Variants in COMMD8 observed in about 807,000 individuals in gnomAD.
The protein encoded by COMMD8 is COMM domain-containing protein 8.
A neutral mutation model predicts 27.2 loss-of-function variants in COMMD8; 28 were observed. The ratio of observed to expected loss-of-function variants is 1.03; its 90% CI spans 0.76 to 1.41. COMMD8 has a LOEUF of 1.41. COMMD8 is among the 40% of genes most tolerant of loss of function. COMMD8 has a pLI of 0.00. For missense variants in COMMD8, 217 were observed against 211.2 expected, an observed-to-expected ratio of 1.03 and a Z score of -0.17; for synonymous variants, 79 against 75.5, an observed-to-expected ratio of 1.05 and a Z score of -0.24.
rs987428454 is a variant in COMMD8 at position 47,463,701 on chromosome 4, C to G, written c.-50G>C. 7.3e-6 allele frequency: 11 copies of G among 1,500,420 alleles called. No individual in the cohort carries two copies. Among genetic ancestry groups the G allele is most frequent in the East Asian group, 2.5e-5 (1 of 39,242 alleles). 92.9% of individuals were successfully genotyped at this position (1,500,420 alleles called of 1,614,324 possible). A position where few individuals can be genotyped will look rare whatever the true frequency, so the allele number is the denominator to read the frequency against. On this transcript the variant is annotated 5_prime_UTR_variant, in exon 1 of 5. Coordinates refer to ENST00000381571, the MANE Select transcript of COMMD8 (RefSeq NM_017845.5). Reference sequence around the variant, plus strand: ...TCACGTGTCAAGGCTGGCCGCTTGTCTAAAGCTACGACTCGCCCACGTGAC... The same window carrying G: ...TCACGTGTCAAGGCTGGCCGCTTGTGTAAAGCTACGACTCGCCCACGTGAC...
intron 2 of COMMD8, among the ~76,000 whole-genome samples, 190 bp from the exon 3 acceptor site, chr4:47,456,919 T>C (rs183244842): frequency 8.6e-5 from 13 of 151,982 alleles, no homozygotes; most frequent in Admixed American, 2.6e-4. Context: ...AAATATACAG[T>C]AAAGAAAAAG....
intron 2 of COMMD8, among the ~76,000 whole-genome samples, chr4:47,459,509 CTATT>C (rs1276680536): frequency 6.6e-6 from 1 of 152,064 alleles, no homozygotes; most frequent in African/African-American, 2.4e-5. Context: ...GAAGCAATGA[CTATT>C]CATTAGTCAG....
Position 47,460,186 on chromosome 4 carries a change from T to C in COMMD8, c.180A>G (p.Lys60=). Residue 60 remains lysine (K), a synonymous_variant, in exon 2 of 5, where the codon AAA becomes AAG. Coordinates refer to ENST00000381571, the MANE Select transcript of COMMD8 (RefSeq NM_017845.5). The stretch of plus-strand genomic sequence containing the variant: ...TTTTACCAACTATGGCTTTGAAAAA[T>C]TTGGCAATATCTTCTAAAACGTGCA... ...EWMHVLEDIA[K]FFKAIVGKNL... is the part of the protein sequence containing the mutation. 1 of 1,613,626 alleles carries C rather than the reference T, an allele frequency of 6.2e-7. No homozygotes were observed. The highest frequency in any genetic ancestry group is 8.5e-7 in the Non-Finnish European group (1 of 1,179,746).
intron 2 of COMMD8, among the ~76,000 whole-genome samples, chr4:47,457,481 A>G (rs540146327): frequency 6.6e-6 from 1 of 152,338 alleles, no homozygotes; most frequent in South Asian, 2.1e-4. Flanking sequence ...GAAAAAATGC[A>G]TTCTACCTAA....
Position 47,463,625 on chromosome 4 carries a change from C to A in COMMD8, c.27G>T (p.Leu9Phe), listed in dbSNP as rs1259496698. The change falls in exon 1 of 5, where the codon TTG (leucine) becomes TTT (phenylalanine). Residue 9 changes from leucine to phenylalanine, a missense_variant. Transcript: ENST00000381571. Reference protein sequence around the residue: MEPEEGTPLWRLQKLPAEL... With the variant: MEPEEGTPFWRLQKLPAEL... ...CGGCCGGCAGCTTCTGCAGCCGCCA[C>A]AAGGGCGTCCCCTCTTCCGGCTCCA... 5.2e-6 allele frequency: 8 copies of A among 1,549,046 alleles called. No individual in the cohort carries two copies. Among genetic ancestry groups the A allele is most frequent in the Non-Finnish European group, 7.0e-6 (8 of 1,146,402 alleles).
At chr4:47,453,265 T>C in intron 3 of COMMD8, 51 bp from the exon 4 acceptor site, 5 of 1,475,438 alleles carry the variant, frequency 3.4e-6, no homozygotes, top group Non-Finnish European at 4.7e-6. Context: ...AAGAACTATA[T>C]TGAGTATACA....
At chr4:47,451,715 T>C (rs1406446638) in intron 4 of COMMD8, 50 bp from the exon 5 acceptor site, 8 of 1,406,882 alleles carry the variant, frequency 5.7e-6, no homozygotes, top group Middle Eastern at 1.8e-4. Context: ...AGACTGATGC[T>C]GATATATTCC....
At position 47,453,185 on chromosome 4, in the gene COMMD8, T is replaced by C. The variant is rs935037823; in HGVS notation, c.405A>G (p.Ala135=). The change falls in exon 4 of 5, where the codon GCA becomes GCG. Residue 135 remains alanine, a synonymous_variant. Transcript: ENST00000381571. ...GCAGGCTTAAAAGTGGCATTCGTAA[T>C]GCAGCAATCTTGTCACTGGAAAGTG... The part of the protein sequence containing the change: ...KLALSSDKIA[A]LRMPLLSLHL... 2 of 1,613,824 alleles carry C rather than the reference T, an allele frequency of 1.2e-6. No homozygotes were observed. Among genetic ancestry groups the C allele is most frequent in the Non-Finnish European group, 1.7e-6 (2 of 1,179,948 alleles).
At chr4:47,455,902 T>A (rs1219358078) in intron 3 of COMMD8, among the ~76,000 whole-genome samples, 1 of 152,168 alleles carries the variant, frequency 6.6e-6, no homozygotes, top group Non-Finnish European at 1.5e-5. Context: ...AGAGGTAGAA[T>A]CACATTTACC....
intron 2 of COMMD8, among the ~76,000 whole-genome samples, chr4:47,457,784 C>T (rs1274653397): frequency 2.6e-5 from 4 of 150,970 alleles, no homozygotes; most frequent in Non-Finnish European, 5.9e-5. Flanking sequence ...CTTCCCAATT[C>T]ATTCCATGAG....
chr4:47,455,006 C>A (rs1273368103), intron 3 of COMMD8, among the ~76,000 whole-genome samples: 1 of 151,630 alleles, frequency 6.6e-6, no homozygotes, highest in South Asian at 2.1e-4. Flanking sequence ...TCTCTCTTAT[C>A]CTTTATTTAT....
intron 3 of COMMD8, among the ~76,000 whole-genome samples, chr4:47,453,720 T>TCTTTCTCTGG (rs1254076981): frequency 6.6e-6 from 1 of 152,234 alleles, no homozygotes; most frequent in African/African-American, 2.4e-5. Context: ...TCTGTACATT[T>TCTTTCTCTGG]ACCTCACTTC....
intron 3 of COMMD8, among the ~76,000 whole-genome samples, chr4:47,455,505 C>T (rs1729865027): frequency 6.6e-6 from 1 of 152,056 alleles, no homozygotes; most frequent in Admixed American, 6.5e-5. Flanking sequence ...CTTGTTATAG[C>T]TCTAGTTTTG....
At chr4:47,458,347 A>C (rs974262849) in intron 2 of COMMD8, among the ~76,000 whole-genome samples, 3 of 152,122 alleles carry the variant, frequency 2.0e-5, no homozygotes, top group Admixed American at 2.0e-4. Flanking sequence ...CCCCCAAAAA[A>C]TCTGTATACA....
chr4:47,462,902 G>A (rs1009632371), intron 1 of COMMD8, among the ~76,000 whole-genome samples: 1 of 152,100 alleles, frequency 6.6e-6, no homozygotes, highest in African/African-American at 2.4e-5. Flanking sequence ...TGGAATAGAG[G>A]AAACAGGAAG....
rs548669643 is a variant in COMMD8 at position 47,458,471 on chromosome 4, T to G, written c.222+1673A>C. Reference sequence around the variant, plus strand: ...ATTAAAGATCAAAAACATCATTTACTCAGAAATAAAAATATTTGCAAGAGC... The same window carrying G: ...ATTAAAGATCAAAAACATCATTTACGCAGAAATAAAAATATTTGCAAGAGC... On this transcript the variant is annotated intron_variant, in intron 2 of 4. Coordinates refer to ENST00000381571, the MANE Select transcript of COMMD8 (RefSeq NM_017845.5). Among the ~76,000 whole-genome samples the G allele has an allele frequency of 2.6e-5, 4 of 152,186 alleles. No individual in the cohort carries two copies. In the South Asian group the frequency reaches 8.3e-4, roughly 31 times the overall value.
chr4:47,458,650 G>T (rs1163661821), intron 2 of COMMD8, among the ~76,000 whole-genome samples: 5 of 152,042 alleles, frequency 3.3e-5, no homozygotes, highest in Admixed American at 3.3e-4. Context: ...CAGCAGGTTT[G>T]TAGGTTAAAA....
chr4:47,457,436 A>C (rs923361833), intron 2 of COMMD8, among the ~76,000 whole-genome samples: 4 of 152,206 alleles, frequency 2.6e-5, no homozygotes, highest in Admixed American at 6.5e-5. Context: ...TGACACAAAG[A>C]AACGAAAAAA....
chr4:47,456,813 G>A, intron 2 of COMMD8, 84 bp from the exon 3 acceptor site: 3 of 986,342 alleles, frequency 3.0e-6, no homozygotes, highest in Non-Finnish European at 4.4e-6. Flanking sequence ...CACTTTTAAA[G>A]CAACAGTAAA....
Sources: allele counts gnomAD v4.1 joint callset (sites outside exome capture counted in the v4.1 genomes callset), GRCh38; gene constraint gnomAD v4.1.1; transcripts MANE v1.5; gene names NCBI Gene and HGNC (gene_info 2026-07-23, HGNC 2026-07-21).